KIF14: variants seen among roughly 807,000 people sequenced by gnomAD.
KIF14 encodes kinesin family member 14, also known as kinesin-like protein KIF14.
In KIF14, 98 loss-of-function variants were observed where a neutral mutation model predicts 176.2. The ratio of observed to expected loss-of-function variants is 0.56; its 90% CI spans 0.47 to 0.66. The LOEUF is 0.66. KIF14 is among the 30% of genes least tolerant of loss of function. The probability of loss-of-function intolerance (pLI) is 0.00; values close to 1 mark genes in which losing one functional copy is unlikely to be tolerated. For missense variants in KIF14, 1,751 were observed against 1,920.4 expected, an observed-to-expected ratio of 0.91 and a Z score of 1.65; for synonymous variants, 566 against 632.2, an observed-to-expected ratio of 0.90 and a Z score of 1.57.
intron 12 of KIF14, 98 bp downstream of exon 12, chr1:200,600,258 G>C (rs1328089236): frequency 2.8e-5 from 38 of 1,338,252 alleles, no homozygotes; most frequent in Middle Eastern, 3.7e-4. Flanking sequence ...TATTCATAAG[G>C]AAGGTCGGAA....
Position 200,553,632 on chromosome 1 carries a change from TG to T in KIF14, c.4702del (p.His1568ThrfsTer4). On this transcript the variant is annotated frameshift_variant, in exon 30 of 30. Transcript: ENST00000367350. LOFTEE classifies it low-confidence loss of function (END_TRUNC). ...SYESRVTHIVHQELESLAKSL... is the reference protein window; with the variant it reads ...SYESRVTHIVXQELESLAKSL... ...CTTAGCTAGAGATTCTAGTTCCTGGTGGACAATGTGAGTTACTCTACTCTCA... is the reference window on the plus strand; with the variant it reads ...CTTAGCTAGAGATTCTAGTTCCTGGTGACAATGTGAGTTACTCTACTCTCA... The T allele has an allele frequency of 6.2e-7, 1 of 1,614,138 alleles. No individual in the cohort carries two copies. Among genetic ancestry groups the T allele is most frequent in the East Asian group, 2.2e-5 (1 of 44,878 alleles).
chr1:200,597,090 G>A (rs1005200277), intron 14 of KIF14, among the ~76,000 whole-genome samples: 1 of 150,944 alleles, frequency 6.6e-6, no homozygotes, highest in African/African-American at 2.4e-5. Flanking sequence ...AGTAGAGACA[G>A]GGTTTCACCA....
chr1:200,554,300 A>G (rs1361228032), intron 29 of KIF14, among the ~76,000 whole-genome samples, 168 bp downstream of exon 29: 1 of 152,152 alleles, frequency 6.6e-6, no homozygotes, highest in Non-Finnish European at 1.5e-5. Context: ...CTGAGGCAGG[A>G]GAATCGCTTG....
intron 8 of KIF14, 53 bp downstream of exon 8, chr1:200,605,230 G>A: frequency 2.0e-6 from 3 of 1,489,018 alleles, no homozygotes; most frequent in Non-Finnish European, 2.8e-6. Flanking sequence ...CCTTGGTCTG[G>A]GTTATCACCA....
chr1:200,603,783 A>T lies in KIF14; in HGVS notation c.1863+56T>A. On this transcript the variant is annotated intron_variant, in intron 9 of 29. Transcript: ENST00000367350. Reference sequence around the variant, plus strand: ...AGTGTATTCAGTTTGTATTCTCCTTAAAATAATGACCTCAGGAATAAATTT... The same window carrying T: ...AGTGTATTCAGTTTGTATTCTCCTTTAAATAATGACCTCAGGAATAAATTT... 3.6e-6 allele frequency: 4 copies of T among 1,106,880 alleles called. 1 individual carries two copies. Among genetic ancestry groups the T allele is most frequent in the Non-Finnish European group, 4.2e-6 (3 of 720,714 alleles). 68.6% of individuals were successfully genotyped at this position (1,106,880 alleles called of 1,614,324 possible). A position where few individuals can be genotyped will look rare whatever the true frequency, so the allele number is the denominator to read the frequency against.
At chr1:200,563,409 G>A (rs1378112691) in intron 25 of KIF14, among the ~76,000 whole-genome samples, 1 of 151,854 alleles carries the variant, frequency 6.6e-6, no homozygotes, top group Non-Finnish European at 1.5e-5. Context: ...CTGTCATCCA[G>A]GCTGGAATGC....
chr1:200,596,538 C>G (rs1248104604), intron 14 of KIF14, among the ~76,000 whole-genome samples: 1 of 147,596 alleles, frequency 6.8e-6, no homozygotes, highest in Non-Finnish European at 1.5e-5. Flanking sequence ...TAGAACATCT[C>G]TATGACCTCA....
At chr1:200,570,065 G>T in intron 22 of KIF14, 60 bp from the exon 23 acceptor site, 3 of 773,778 alleles carry the variant, frequency 3.9e-6, no homozygotes, top group South Asian at 2.3e-5. Context: ...ATATTATTAA[G>T]AATATTTATA....
intron 11 of KIF14, 41 bp from the exon 12 acceptor site, chr1:200,600,544 T>C (rs1659575692): frequency 1.4e-6 from 2 of 1,406,096 alleles, no homozygotes; most frequent in African/African-American, 1.4e-5. Flanking sequence ...TAACATTTAA[T>C]ATATAACAAT....
chr1:200,558,521 T>C (rs1323184258), intron 27 of KIF14, among the ~76,000 whole-genome samples: 4 of 152,224 alleles, frequency 2.6e-5, no homozygotes, highest in Admixed American at 2.6e-4. Context: ...AAATGAAGAA[T>C]ATAAATTCCT....
intron 17 of KIF14, among the ~76,000 whole-genome samples, chr1:200,589,671 CTTTTTTTTTTTTTTT>C (rs1204882989): frequency 1.0e-3 from 77 of 76,566 alleles, no homozygotes; most frequent in African/African-American, 3.9e-3. Context: ...CAACTTTTTT[CTTTTTTTTTTTTTTT>C]TTTTTTTTTT....
chr1:200,579,691 C>T (rs1468266495), intron 21 of KIF14, among the ~76,000 whole-genome samples: 1 of 151,870 alleles, frequency 6.6e-6, no homozygotes, highest in African/African-American at 2.4e-5. Context: ...AGCAATTTGT[C>T]GGTGAGCATC....
Position 200,580,147 on chromosome 1 carries a change from G to A in KIF14, c.3465+107C>T, listed in dbSNP as rs186280633. The A allele has an allele frequency of 4.5e-3, 2,405 of 528,786 alleles. 12 individuals carry two copies. Among genetic ancestry groups the A allele is most frequent in the Middle Eastern group, 0.015 (24 of 1,644 alleles). The allele number at this position is 528,786 out of a possible 1,614,324, so 32.8% of individuals were successfully genotyped here. ...TTATTTTCCAAATTTTCTATATGGAGAATATGTCACTTTTATATATATACT... is the reference window on the plus strand; with the variant it reads ...TTATTTTCCAAATTTTCTATATGGAAAATATGTCACTTTTATATATATACT... On this transcript the variant is annotated intron_variant, in intron 21 of 29. Coordinates refer to ENST00000367350, the MANE Select transcript of KIF14 (RefSeq NM_014875.3).
Position 200,565,805 on chromosome 1 carries a change from T to C in KIF14, c.3662-136A>G, listed in dbSNP as rs911584457. ...AACAACAAAGCATTTTTGTGTTCAC[T>C]GTGGAATTAGAAAAACAAAACTATT... On this transcript the variant is annotated intron_variant, in intron 23 of 29. Coordinates refer to ENST00000367350, the MANE Select transcript of KIF14 (RefSeq NM_014875.3). 9.6e-6 allele frequency: 6 copies of C among 626,286 alleles called. No individual in the cohort carries two copies. The Admixed American group carries it at 2.1e-4, about 22-fold the overall frequency. The allele number at this position is 626,286 out of a possible 1,614,324, so 38.8% of individuals were successfully genotyped here. A position where few individuals can be genotyped will look rare whatever the true frequency, so the allele number is the denominator to read the frequency against.
rs183228318 is a variant in KIF14, at chr1:200,581,850, C to G, written c.3242-556G>C. ...GTGGCTCAAGCATGGCTCACTGCAG[C>G]CTTGACCTCCCCAGGCTCAAGTGAT... On this transcript the variant is annotated intron_variant, in intron 19 of 29. Coordinates refer to ENST00000367350, the MANE Select transcript of KIF14 (RefSeq NM_014875.3). Among the ~76,000 whole-genome samples the G allele has an allele frequency of 1.0e-3, 157 of 149,922 alleles. 2 individuals carry two copies. The highest frequency in any genetic ancestry group is 2.0e-3 in the Non-Finnish European group (134 of 67,750).
intron 23 of KIF14, among the ~76,000 whole-genome samples, chr1:200,568,366 T>C (rs1483875471): frequency 1.3e-5 from 2 of 152,228 alleles, no homozygotes; most frequent in African/African-American, 4.8e-5. Flanking sequence ...CCACAGCATA[T>C]TTTAATCTAC....
At chr1:200,553,903 C>T in intron 29 of KIF14, 136 bp from the exon 30 acceptor site, 1 of 819,886 alleles carries the variant, frequency 1.2e-6, no homozygotes, top group East Asian at 2.6e-5. Flanking sequence ...TAAGATTAGT[C>T]AACTAAAGTG....
At chr1:200,560,602 C>T in intron 26 of KIF14, 120 bp downstream of exon 26, 1 of 1,109,328 alleles carries the variant, frequency 9.0e-7, no homozygotes, top group East Asian at 2.4e-5. Context: ...TGCAAAACTA[C>T]TAAAAGTACA....
intron 19 of KIF14, among the ~76,000 whole-genome samples, chr1:200,581,959 G>A (rs1658486112): frequency 6.6e-6 from 1 of 151,638 alleles, no homozygotes; most frequent in African/African-American, 2.4e-5. Context: ...TTGTAGAGAG[G>A]AGGTTTTGCC....
Sources: gnomAD v4.1 joint callset for allele counts (sites outside exome capture counted in the v4.1 genomes callset) on GRCh38, gnomAD v4.1.1 for gene constraint, MANE v1.5 for transcripts, NCBI Gene and HGNC (gene_info 2026-07-23, HGNC 2026-07-21) for gene names.